The following CRB1 variants were observed in gnomAD, a reference collection of about 807,000 sequenced individuals.
CRB1 encodes the protein crumbs cell polarity complex component 1.
Under a neutral mutation model 120.0 loss-of-function variants are expected in CRB1, and 83 were observed. The observed-to-expected ratio is 0.69, with a 90% CI of 0.58 to 0.83. CRB1 has a LOEUF of 0.83. CRB1 is among the 40% of genes least tolerant of loss of function. CRB1 has a pLI of 0.00. For synonymous variants in CRB1, 625 were observed against 612.5 expected (o/e 1.02, Z -0.30); for missense variants, 1,699 against 1,687.6 (o/e 1.01, Z -0.12).
intron 5 of CRB1, among the ~76,000 whole-genome samples, chr1:197,372,761 C>A (rs1163131352): frequency 6.6e-6 from 1 of 151,708 alleles, no homozygotes; most frequent in East Asian, 1.9e-4. Context: ...TGGGACCTAT[C>A]TCTTTGTACG....
At chr1:197,255,996 T>TATATATATATAC in the CRB1 span, among the ~76,000 whole-genome samples, 2,194 of 116,082 alleles carry the variant, frequency 0.019, 38 homozygotes, top group East Asian at 0.068. Flanking sequence ...TATATATATA[T>TATATATATATAC]ACACTACAAT....
At chr1:197,393,423 C>T (rs1662609685) in intron 5 of CRB1, among the ~76,000 whole-genome samples, 1 of 151,984 alleles carries the variant, frequency 6.6e-6, no homozygotes, top group South Asian at 2.1e-4. Flanking sequence ...GGCTCAGTAG[C>T]TAATATTTCC....
chr1:197,269,756 TGGA>T (rs1014031601), intron 1 of CRB1, among the ~76,000 whole-genome samples: 23 of 152,282 alleles, frequency 1.5e-4, no homozygotes, highest in African/African-American at 5.5e-4. Context: ...TGGAAATTCC[TGGA>T]GTTTGCTGCA....
At chr1:197,357,180 A>G (rs980835807) in intron 5 of CRB1, 167 bp downstream of exon 5, 4 of 716,598 alleles carry the variant, frequency 5.6e-6, no homozygotes, top group Non-Finnish European at 1.0e-5. Context: ...TTCACATTTC[A>G]GAATTCCTCA....
At chr1:197,294,791 C>A (rs575508294) in intron 1 of CRB1, among the ~76,000 whole-genome samples, 1 of 152,172 alleles carries the variant, frequency 6.6e-6, no homozygotes, top group South Asian at 2.1e-4. Context: ...TCATTCTCAG[C>A]AAACTGTCGC....
chr1:197,324,433 T>A (rs1658380477), intron 1 of CRB1, among the ~76,000 whole-genome samples: 1 of 152,204 alleles, frequency 6.6e-6, no homozygotes, highest in South Asian at 2.1e-4. Context: ...TAATGTTTTT[T>A]AAAAAACTAC....
intron 4 of CRB1, among the ~76,000 whole-genome samples, chr1:197,353,819 A>ATT (rs1660252919): frequency 6.6e-6 from 1 of 150,508 alleles, no homozygotes; most frequent in African/African-American, 2.4e-5. Flanking sequence ...ATAAATAAAA[A>ATT]AAAAAAAAAA....
intron 1 of CRB1, among the ~76,000 whole-genome samples, chr1:197,275,506 C>G (rs988884528): frequency 3.3e-5 from 5 of 151,942 alleles, no homozygotes. Context: ...AAAGATTATG[C>G]TAAACAATGT....
the CRB1 span, among the ~76,000 whole-genome samples, chr1:197,224,386 A>G: frequency 6.6e-6 from 1 of 152,136 alleles, no homozygotes; most frequent in Admixed American, 6.5e-5. Flanking sequence ...ATGGATAAAC[A>G]TTTTTTCCAC....
intron 1 of CRB1, among the ~76,000 whole-genome samples, chr1:197,317,905 G>A (rs1305709789): frequency 6.6e-6 from 1 of 150,896 alleles, no homozygotes; most frequent in East Asian, 1.9e-4. Context: ...AGAAAACATA[G>A]GGGAAAAGCT....
chr1:197,421,184 T>C lies in CRB1; in HGVS notation c.1356T>C (p.Asn452=). 1 of 1,614,214 alleles carries C rather than the reference T, an allele frequency of 6.2e-7. No homozygotes were observed. Among genetic ancestry groups the C allele is most frequent in the Non-Finnish European group, 8.5e-7 (1 of 1,180,042 alleles). Reference sequence around the variant, plus strand: ...GCTGTACCCATCAGCAATGTCTAAATAATGGAACATGCATCCCTCACTTCC... The same window carrying C: ...GCTGTACCCATCAGCAATGTCTAAACAATGGAACATGCATCCCTCACTTCC... ...LLGCTHQQCL[N]NGTCIPHFQD... is the part of the protein sequence containing the mutation. Residue 452 remains asparagine (N), a synonymous_variant, in exon 6 of 12, where the codon AAT becomes AAC. Coordinates refer to ENST00000367400, the MANE Select transcript of CRB1 (RefSeq NM_201253.3).
At chr1:197,294,676 A>T (rs1656409602) in intron 1 of CRB1, among the ~76,000 whole-genome samples, 1 of 152,194 alleles carries the variant, frequency 6.6e-6, no homozygotes, top group African/African-American at 2.4e-5. Context: ...TCAATGATAG[A>T]CAGGATTAAG....
chr1:197,309,315 C>G (rs1160857452), intron 1 of CRB1, among the ~76,000 whole-genome samples: 2 of 152,128 alleles, frequency 1.3e-5, no homozygotes, highest in African/African-American at 4.8e-5. Flanking sequence ...TTTGCTGACA[C>G]ACACACACAC....
intron 11 of CRB1, among the ~76,000 whole-genome samples, chr1:197,464,177 G>C (rs1666649272): frequency 6.6e-6 from 1 of 152,136 alleles, no homozygotes; most frequent in Admixed American, 6.5e-5. Flanking sequence ...ACAGCAGATG[G>C]CTTCCTTTTA....
At chr1:197,292,431 A>C (rs924708785) in intron 1 of CRB1, among the ~76,000 whole-genome samples, 6 of 151,218 alleles carry the variant, frequency 4.0e-5, no homozygotes, top group African/African-American at 1.2e-4. Context: ...CCTACCACCC[A>C]AAATAAGTCC....
intron 1 of CRB1, among the ~76,000 whole-genome samples, chr1:197,302,269 AT>A (rs1010905685): frequency 6.6e-6 from 1 of 152,210 alleles, no homozygotes; most frequent in East Asian, 1.9e-4. Flanking sequence ...GATCGTTAGC[AT>A]TTTTTAGCAA....
At chr1:197,306,713 C>T (rs975300995) in intron 1 of CRB1, among the ~76,000 whole-genome samples, 3 of 152,016 alleles carry the variant, frequency 2.0e-5, no homozygotes, top group African/African-American at 7.3e-5. Flanking sequence ...TCACTTGCAC[C>T]AAAAAGAAAA....
the CRB1 span, among the ~76,000 whole-genome samples, chr1:197,226,253 A>G: frequency 2.6e-5 from 4 of 152,220 alleles, no homozygotes; most frequent in African/African-American, 9.6e-5. Flanking sequence ...TACAGGCTAC[A>G]TGAACTTTGA....
intron 9 of CRB1, among the ~76,000 whole-genome samples, chr1:197,436,336 G>T (rs1347992450): frequency 6.6e-6 from 1 of 152,006 alleles, no homozygotes; most frequent in East Asian, 1.9e-4. Flanking sequence ...TATCTTGATT[G>T]TCTTCATGTT....
Sources: gnomAD v4.1 joint callset for allele counts (sites outside exome capture counted in the v4.1 genomes callset) on GRCh38, gnomAD v4.1.1 for gene constraint, MANE v1.5 for transcripts, NCBI Gene and HGNC (gene_info 2026-07-23, HGNC 2026-07-21) for gene names.